PRMT7: variants seen among roughly 807,000 people sequenced by gnomAD.
PRMT7 encodes protein arginine N-methyltransferase 7.
Under a neutral mutation model 85.4 loss-of-function variants are expected in PRMT7, and 75 were observed. The ratio of observed to expected loss-of-function variants is 0.88; its 90% CI spans 0.73 to 1.06. The LOEUF (loss-of-function observed/expected upper bound fraction) is 1.06, where lower values mean the gene tolerates loss of function less well. PRMT7 is among the 50% of genes least tolerant of loss of function. The pLI is 0.00. For missense variants in PRMT7, 868 were observed against 915.2 expected, an observed-to-expected ratio of 0.95 and a Z score of 0.67; for synonymous variants, 397 against 359.5, an observed-to-expected ratio of 1.10 and a Z score of -1.18.
intron 6 of PRMT7, among the ~76,000 whole-genome samples, chr16:68,333,602 T>G (rs568006130): frequency 6.6e-6 from 1 of 151,868 alleles, no homozygotes; most frequent in Admixed American, 6.6e-5. Context: ...GGATCACAGA[T>G]GGGAGCCACT....
intron 6 of PRMT7, among the ~76,000 whole-genome samples, chr16:68,334,560 C>T (rs2084377407): frequency 6.6e-6 from 1 of 152,212 alleles, no homozygotes. Flanking sequence ...CTGAAGTTGC[C>T]TGTTCCCCAG....
intron 4 of PRMT7, chr16:68,322,530 G>A (rs1365116562): frequency 2.9e-6 from 1 of 342,096 alleles, no homozygotes; most frequent in Admixed American, 3.2e-5. Context: ...GTATATCTTT[G>A]TTCTAGTCTA....
In PRMT7 at chr16:68,314,375, C is replaced by T. The variant is rs147476968; in HGVS notation, c.-83-1522C>T. On this transcript the variant is annotated intron_variant, in intron 2 of 18. Transcript: ENST00000441236. The stretch of plus-strand genomic sequence containing the variant: ...CCTCCTGAGTAGCTGGGAATACAGA[C>T]GTGCGCCACCATGTCTGGCTAATTT... Among the ~76,000 whole-genome samples, 1,489 of 152,276 alleles carry T rather than the reference C, an allele frequency of 9.8e-3. 12 individuals carry two copies. Among genetic ancestry groups the T allele is most frequent in the South Asian group, 0.034 (166 of 4,830 alleles).
rs754103598 is a variant in PRMT7, at chr16:68,355,812, C to A, written c.1740C>A (p.Ile580=). The change falls in exon 17 of 19, where the codon ATC becomes ATA. Residue 580 remains isoleucine (I), a synonymous_variant. Transcript: ENST00000441236. ...PCRSLSEPWQ[I]LTFDFQQPVP... The stretch of plus-strand genomic sequence containing the variant: ...GCAGCCTCTCCGAGCCCTGGCAGAT[C>A]CTGACCTTTGACTTCCAGCAGCCGG... 1.9e-6 allele frequency: 3 copies of A among 1,611,628 alleles called. No homozygotes were observed. The highest frequency in any genetic ancestry group is 4.5e-5 in the East Asian group (2 of 44,804).
intron 2 of PRMT7, among the ~76,000 whole-genome samples, chr16:68,314,890 T>C (rs2044484443): frequency 6.6e-6 from 1 of 152,172 alleles, no homozygotes; most frequent in African/African-American, 2.4e-5. Context: ...AAGCAAAATT[T>C]TTTTAGATGA....
At chr16:68,320,191 A>G (rs895021636) in intron 3 of PRMT7, among the ~76,000 whole-genome samples, 3 of 152,194 alleles carry the variant, frequency 2.0e-5, no homozygotes, top group Non-Finnish European at 4.4e-5. Context: ...TGTGTAGTGT[A>G]TAGCAAGATC....
rs2087748952 is a variant in PRMT7, at chr16:68,353,558, A to G, written c.1642A>G (p.Met548Val). ...EGFDVHIMDD[M>V]IKRALDFRES... ...CTTCGACGTGCACATCATGGACGAC[A>G]TGATTAAGGTAGGCAGGGCCACACT... Residue 548 changes from methionine (M) to valine (V), a missense_variant, in exon 16 of 19, where the codon ATG becomes GTG. By Grantham distance (21) the Met-to-Val change is conservative (BLOSUM62 1). Transcript: ENST00000441236. The G allele has an allele frequency of 1.3e-6, 2 of 1,582,070 alleles. No homozygotes were observed. Among genetic ancestry groups the G allele is most frequent in the African/African-American group, 1.4e-5 (1 of 73,256 alleles).
chr16:68,311,109 T>C lies in PRMT7; in HGVS notation c.-219+10T>C. ...GGGTTTCCCGCGGCGGGTGAGGCGC[T>C]GGGTATGCTGGGAAGGTGGGGTCGC... On this transcript the variant is annotated intron_variant, in intron 1 of 18. Coordinates refer to ENST00000441236, the MANE Select transcript of PRMT7 (RefSeq NM_019023.5). 1 of 695,300 alleles carries C rather than the reference T, an allele frequency of 1.4e-6. No homozygotes were observed. The highest frequency in any genetic ancestry group is 2.6e-6 in the Non-Finnish European group (1 of 384,002). 43.1% of individuals were successfully genotyped at this position (695,300 alleles called of 1,614,324 possible).
intron 13 of PRMT7, 115 bp downstream of exon 13, chr16:68,347,793 C>T: frequency 2.1e-6 from 2 of 936,460 alleles, no homozygotes; most frequent in Non-Finnish European, 3.3e-6. Context: ...GCTTGCACCC[C>T]TGTGTTGTCT....
intron 5 of PRMT7, among the ~76,000 whole-genome samples, chr16:68,327,352 GA>G (rs1375942170): frequency 6.6e-6 from 1 of 152,162 alleles, no homozygotes; most frequent in Non-Finnish European, 1.5e-5. Flanking sequence ...ATCTAGACTG[GA>G]TAAGTTGAAA....
In PRMT7 at chr16:68,353,439, G is replaced by A. The variant is rs542823633; in HGVS notation, c.1576-53G>A. 6 of 1,606,628 alleles carry A rather than the reference G, an allele frequency of 3.7e-6. No homozygotes were observed. In the South Asian group the frequency reaches 4.4e-5, roughly 12 times the overall value. On this transcript the variant is annotated intron_variant, in intron 15 of 18. Coordinates refer to ENST00000441236, the MANE Select transcript of PRMT7 (RefSeq NM_019023.5). ...ATGTGCCTCTTGTTCTTGCTGCCACGCTTCCCTGTGTCCTGGCGGGCGGGT... is the reference window on the plus strand; with the variant it reads ...ATGTGCCTCTTGTTCTTGCTGCCACACTTCCCTGTGTCCTGGCGGGCGGGT...
At chr16:68,335,776 CTT>C (rs1215493101) in intron 6 of PRMT7, among the ~76,000 whole-genome samples, 1 of 150,304 alleles carries the variant, frequency 6.7e-6, no homozygotes, top group African/African-American at 2.5e-5. Context: ...CAGCTGCTCT[CTT>C]TCTTTTTTTT....
chr16:68,337,396 T>G, intron 6 of PRMT7, 63 bp from the exon 7 acceptor site: 1 of 1,141,426 alleles, frequency 8.8e-7, no homozygotes. Context: ...TTTCCCATAT[T>G]TGCTGTAAAT....
At chr16:68,322,423 C>T (rs899455088) in intron 4 of PRMT7, 1 of 450,156 alleles carries the variant, frequency 2.2e-6, no homozygotes, top group Admixed American at 2.4e-5. Flanking sequence ...GTCTTGATCC[C>T]CTGAGGTCAA....
chr16:68,352,921 G>A (rs1366579695), intron 15 of PRMT7, among the ~76,000 whole-genome samples: 1 of 152,196 alleles, frequency 6.6e-6, no homozygotes, highest in Non-Finnish European at 1.5e-5. Context: ...TGATGAGAGT[G>A]GTTTTCTCTC....
Position 68,350,865 on chromosome 16 carries a change from C to T in PRMT7, c.1414-1383C>T, listed in dbSNP as rs556384380. Among the ~76,000 whole-genome samples the T allele has an allele frequency of 1.8e-4, 27 of 152,328 alleles. 1 individual carries two copies. The highest frequency in any genetic ancestry group is 6.2e-4 in the South Asian group (3 of 4,830). On this transcript the variant is annotated intron_variant, in intron 14 of 18. Transcript: ENST00000441236. Reference sequence around the variant, plus strand: ...GGCCTCTCATGTGGCTTCATGTTTTCGGGCTCATCCATGTCGTAGCCTGAA... The same window carrying T: ...GGCCTCTCATGTGGCTTCATGTTTTTGGGCTCATCCATGTCGTAGCCTGAA...
chr16:68,312,245 CAG>C (rs1346786738), intron 2 of PRMT7, 69 bp downstream of exon 2: 10 of 133,506 alleles, frequency 7.5e-5, no homozygotes, highest in African/African-American at 2.8e-4. Flanking sequence ...TTTTTTAAGA[CAG>C]GGTCTCACTC....
chr16:68,341,837 TATCTGC>T (rs1482644139), intron 9 of PRMT7, among the ~76,000 whole-genome samples: 1 of 152,228 alleles, frequency 6.6e-6, no homozygotes, highest in Non-Finnish European at 1.5e-5. Flanking sequence ...AAGGTGGTGT[TATCTGC>T]AGGAGGAATC....
At chr16:68,347,179 A>G (rs745660297) in intron 11 of PRMT7, 32 bp from the exon 12 acceptor site, 13 of 1,543,902 alleles carry the variant, frequency 8.4e-6, no homozygotes, top group Non-Finnish European at 1.1e-5. Context: ...AACTGGAGGA[A>G]GCCCTGTGCT....
Sources: allele counts gnomAD v4.1 joint callset (sites outside exome capture counted in the v4.1 genomes callset), GRCh38; gene constraint gnomAD v4.1.1; transcripts MANE v1.5; gene names NCBI Gene and HGNC (gene_info 2026-07-23, HGNC 2026-07-21).